TUBGCP2: variants seen among roughly 807,000 people sequenced by gnomAD.
TUBGCP2 encodes tubulin gamma complex component 2.
TUBGCP2 carries 55 observed loss-of-function variants against 92.2 expected under a neutral mutation model. The ratio of observed to expected loss-of-function variants is 0.60; its 90% CI spans 0.48 to 0.75. The LOEUF (loss-of-function observed/expected upper bound fraction) is 0.75. Ranked by LOEUF, TUBGCP2 falls within the 30% of genes least tolerant of loss-of-function variation. TUBGCP2 has a pLI of 0.00. For synonymous variants in TUBGCP2, 533 were observed against 505.2 expected (o/e 1.06, Z -0.74); for missense variants, 1,093 against 1,188.9 (o/e 0.92, Z 1.19).
chr10:133,312,110 G>A, upstream of TUBGCP2: 1 of 1,444,232 alleles, frequency 6.9e-7, no homozygotes. Flanking sequence ...GGGATGGAAA[G>A]AGTCTCACTT....
At chr10:133,309,232 G>GC (rs1210828978), upstream of TUBGCP2, 13 of 983,266 alleles carry the variant, frequency 1.3e-5, no homozygotes, top group African/African-American at 3.1e-4. Context: ...CGGGACCTGA[G>GC]GTGGTGGGGC....
At chr10:133,294,142 AAACCTTGTCTTTAAAAAGCTATCACTT>A (rs1252608853) in intron 5 of TUBGCP2, among the ~76,000 whole-genome samples, 1 of 152,260 alleles carries the variant, frequency 6.6e-6, no homozygotes, top group East Asian at 1.9e-4. Flanking sequence ...CTGGGACAAA[AAACCTTGTCTTTAAAAAGCTATCACTT>A]AAACGTTAAG....
chr10:133,293,455 G>A lies in TUBGCP2; in HGVS notation c.824+107C>T, dbSNP rs144257367. On this transcript the variant is annotated intron_variant, in intron 6 of 17. Transcript: ENST00000252936. ...TTGGGCACGGAGTTGTCACCAAGGCGGGCGCTCTCTTTAGAAGCGATGCAG... is the reference window on the plus strand; with the variant it reads ...TTGGGCACGGAGTTGTCACCAAGGCAGGCGCTCTCTTTAGAAGCGATGCAG... 4.8e-4 allele frequency: 647 copies of A among 1,343,326 alleles called. 1 individual carries two copies. The highest frequency in any genetic ancestry group is 7.1e-4 in the South Asian group (51 of 72,336). 83.2% of individuals were successfully genotyped at this position (1,343,326 alleles called of 1,614,324 possible).
chr10:133,284,995 C>G (rs1847093534), intron 13 of TUBGCP2, 90 bp downstream of exon 13: 2 of 1,497,862 alleles, frequency 1.3e-6, no homozygotes. Flanking sequence ...AGCTGTCTAC[C>G]AGGAGGGCAC....
Position 133,283,059 on chromosome 10 carries a change from G to A in TUBGCP2, c.2289+19C>T, listed in dbSNP as rs1847029592. The A allele has an allele frequency of 1.9e-6, 3 of 1,613,806 alleles. No individual in the cohort carries two copies. The highest frequency in any genetic ancestry group is 1.7e-6 in the Non-Finnish European group (2 of 1,179,912). On this transcript the variant is annotated intron_variant, in intron 15 of 17. Transcript: ENST00000252936. ...CACCCGCGCCTGCCCACCCGATGGT[G>A]CTACCCACACCCACGCACCTGCATG...
intron 17 of TUBGCP2, among the ~76,000 whole-genome samples, chr10:133,280,276 A>G (rs1031309594): frequency 6.6e-6 from 1 of 152,200 alleles, no homozygotes; most frequent in African/African-American, 2.4e-5. Context: ...CATCACCCCA[A>G]CAGGGCCTAG....
At chr10:133,282,775 C>T (rs1396384497) in intron 15 of TUBGCP2, among the ~76,000 whole-genome samples, 1 of 152,196 alleles carries the variant, frequency 6.6e-6, no homozygotes, top group African/African-American at 2.4e-5. Flanking sequence ...AATCAAATAG[C>T]TCAAGTGCTG....
rs200129338 is a variant in TUBGCP2, at chr10:133,293,174, G to A, written c.889C>T (p.Arg297Cys). The change falls in exon 7 of 18, where the codon CGC (arginine) becomes TGC (cysteine). Residue 297 changes from arginine (R) to cysteine (C), a missense_variant. Physicochemically the swap from Arg to Cys is radical, Grantham distance 180. Around this residue, in one of 3 missense-constraint regions of TUBGCP2, gnomAD observed 490 missense variants for 488.5 expected, o/e 1.00. Transcript: ENST00000252936. The part of the protein sequence containing the change: ...QVNHALAAAM[R>C]TLVKEHLILV... ...ATCAGGTGCTCCTTCACCAGGGTGC[G>A]CATGGCGGCCGCCAGGGCGTGGTTC... is the stretch of plus-strand genomic sequence containing the variant. 111 of 1,613,780 alleles carry A rather than the reference G, an allele frequency of 6.9e-5. No homozygotes were observed. Among genetic ancestry groups the A allele is most frequent in the East Asian group, 1.3e-4 (6 of 44,904 alleles).
intron 1 of TUBGCP2, among the ~76,000 whole-genome samples, chr10:133,304,520 CA>C (rs35520041): frequency 6.6e-6 from 1 of 151,976 alleles, no homozygotes; most frequent in African/African-American, 2.4e-5. Context: ...CTCTATGACC[CA>C]AAAAAGGTAA....
At chr10:133,289,434 C>G (rs1847215755) in intron 9 of TUBGCP2, among the ~76,000 whole-genome samples, 2 of 152,154 alleles carry the variant, frequency 1.3e-5, no homozygotes, top group African/African-American at 4.8e-5. Flanking sequence ...GGGTCCAGGT[C>G]AGGCCCTAAC....
At chr10:133,309,032 G>A (rs1484344799), upstream of TUBGCP2, 3 of 1,265,584 alleles carry the variant, frequency 2.4e-6, no homozygotes, top group African/African-American at 1.5e-5. Context: ...CCCGCGGCTG[G>A]GGCCGCGCCC....
chr10:133,297,450 T>C (rs1270534661), intron 5 of TUBGCP2: 2 of 449,640 alleles, frequency 4.4e-6, no homozygotes, highest in Non-Finnish European at 8.9e-6. Flanking sequence ...TTGTGACAGA[T>C]GAACACATCC....
At chr10:133,309,796 A>T (rs1376035655), upstream of TUBGCP2, 4 of 1,613,302 alleles carry the variant, frequency 2.5e-6, no homozygotes, top group Non-Finnish European at 3.4e-6. Flanking sequence ...TTTGCCTGCC[A>T]GGTGGCCGGC....
intron 17 of TUBGCP2, among the ~76,000 whole-genome samples, chr10:133,280,381 T>C (rs943171904): frequency 6.6e-6 from 1 of 151,992 alleles, no homozygotes; most frequent in Non-Finnish European, 1.5e-5. Flanking sequence ...ATCAGAACAT[T>C]TGTGGGGGGC....
In TUBGCP2 at chr10:133,285,224, C is replaced by T. The variant is rs372884951; in HGVS notation, c.1896-11G>A. 52 of 1,611,134 alleles carry T rather than the reference C, an allele frequency of 3.2e-5. No individual in the cohort carries two copies. The highest frequency in any genetic ancestry group is 2.4e-4 in the African/African-American group (18 of 75,056). On this transcript the variant is annotated splice_polypyrimidine_tract_variant and intron_variant, in intron 12 of 17. Coordinates refer to ENST00000252936, the MANE Select transcript of TUBGCP2 (RefSeq NM_006659.4). The surrounding 1 kb of genome is among the most constrained non-coding windows in gnomAD (Gnocchi z 6.8). The stretch of plus-strand genomic sequence containing the variant: ...CGAGTGAGGGCTTTCCTGCAAGAGA[C>T]GTGGCGGCACCTCAGGTGGGCCTCC...
chr10:133,295,953 G>A (rs1405754127), intron 5 of TUBGCP2: 1 of 152,408 alleles, frequency 6.6e-6, no homozygotes, highest in Non-Finnish European at 1.5e-5. Context: ...TGCGGACAAA[G>A]GGAGGCAAGG....
chr10:133,293,035 G>A lies in TUBGCP2; in HGVS notation c.1024+4C>T, dbSNP rs200320382. ...TGCCCCATGCCCCCCGGGCGGGCAC[G>A]CACCGAGGGAGGCCAGGATGTCCAT... On this transcript the variant is annotated splice_donor_region_variant and intron_variant, in intron 7 of 17. Coordinates refer to ENST00000252936, the MANE Select transcript of TUBGCP2 (RefSeq NM_006659.4). The A allele has an allele frequency of 4.6e-4, 743 of 1,612,210 alleles. No individual in the cohort carries two copies. The highest frequency in any genetic ancestry group is 7.7e-4 in the Middle Eastern group (4 of 5,198).
intron 5 of TUBGCP2, chr10:133,295,612 T>A (rs1847470177): frequency 6.6e-6 from 1 of 152,394 alleles, no homozygotes; most frequent in African/African-American, 2.4e-5. Context: ...AGATAACACC[T>A]TCGCATGCTG....
chr10:133,293,231 C>G lies in TUBGCP2; in HGVS notation c.832G>C (p.Glu278Gln). 3 of 1,613,256 alleles carry G rather than the reference C, an allele frequency of 1.9e-6. No homozygotes were observed. The highest frequency in any genetic ancestry group is 2.5e-6 in the Non-Finnish European group (3 of 1,179,736). Residue 278 changes from glutamate to glutamine, a missense_variant, in exon 7 of 18, where the codon GAA becomes CAA. Physicochemically the swap from Glu to Gln is conservative, Grantham distance 29 (BLOSUM62 2). This residue lies in a region of TUBGCP2 where 490 missense variants were observed against 488.5 expected (regional missense o/e 1.00). Transcript: ENST00000252936. Reference protein sequence around the residue: ...ASYSAVTRFIEEKSSFEYGQV... With the variant: ...ASYSAVTRFIQEKSSFEYGQV... ...CCGTACTCGAAGGAAGACTTCTCTTCAATGAACCTGGAAGAAAAGCTGTCA... is the reference window on the plus strand; with the variant it reads ...CCGTACTCGAAGGAAGACTTCTCTTGAATGAACCTGGAAGAAAAGCTGTCA...
Sources: allele counts gnomAD v4.1 joint callset (sites outside exome capture counted in the v4.1 genomes callset), GRCh38; gene constraint gnomAD v4.1.1; regional missense constraint gnomAD v4.1.1; non-coding constraint Gnocchi (gnomAD v3.1); transcripts MANE v1.5; gene names NCBI Gene and HGNC (gene_info 2026-07-23, HGNC 2026-07-21).